The following SCMH1 variants were observed in gnomAD, a reference collection of about 807,000 sequenced individuals.
The protein encoded by SCMH1 is polycomb protein SCMH1.
Under a neutral mutation model 70.8 loss-of-function variants are expected in SCMH1, and 37 were observed. The observed-to-expected ratio is 0.52, with a 90% CI of 0.40 to 0.69. The LOEUF (loss-of-function observed/expected upper bound fraction) is 0.69. Among genes scored for constraint, SCMH1 ranks in the 30% least tolerant of loss-of-function variants. The pLI, the probability that SCMH1 is intolerant of heterozygous loss-of-function variation, is 0.00. For missense variants in SCMH1, 607 were observed against 827.3 expected, an observed-to-expected ratio of 0.73 and a Z score of 3.27; for synonymous variants, 292 against 307.4, an observed-to-expected ratio of 0.95 and a Z score of 0.52.
At chr1:41,175,056 T>C (rs1051332656) in intron 2 of SCMH1, among the ~76,000 whole-genome samples, 1 of 152,250 alleles carries the variant, frequency 6.6e-6, no homozygotes, top group Non-Finnish European at 1.5e-5. Context: ...GTTAACTTTA[T>C]GTGTCAACTT....
chr1:41,152,387 A>G (rs1645145252), intron 4 of SCMH1, among the ~76,000 whole-genome samples: 1 of 152,230 alleles, frequency 6.6e-6, no homozygotes, highest in Non-Finnish European at 1.5e-5. Context: ...GGGAGTCTGT[A>G]GAATCTTTTA....
At chr1:41,131,737 T>A (rs1674778275) in intron 6 of SCMH1, among the ~76,000 whole-genome samples, 1 of 152,122 alleles carries the variant, frequency 6.6e-6, no homozygotes, top group Non-Finnish European at 1.5e-5. Context: ...TGGTGTGTGA[T>A]GTTCTTTTCC....
intron 1 of SCMH1, 97 bp from the exon 2 acceptor site, chr1:41,186,347 A>C (rs548221754): frequency 2.6e-6 from 1 of 385,450 alleles, no homozygotes; most frequent in African/African-American, 2.0e-5. Context: ...CATTATAAGA[A>C]AAGTAGGAAA....
intron 1 of SCMH1, among the ~76,000 whole-genome samples, chr1:41,223,161 G>A (rs1222949357): frequency 6.6e-6 from 1 of 152,148 alleles, no homozygotes; most frequent in Non-Finnish European, 1.5e-5. Flanking sequence ...GGAATCTGGA[G>A]CCTTCCAGGA....
intron 10 of SCMH1, among the ~76,000 whole-genome samples, chr1:41,055,624 G>T (rs1167685523): frequency 6.6e-6 from 1 of 152,202 alleles, no homozygotes; most frequent in African/African-American, 2.4e-5. Flanking sequence ...GAGCCACCGC[G>T]CCCGGCCTCA....
At chr1:41,121,916 A>G (rs1557539569) in intron 6 of SCMH1, among the ~76,000 whole-genome samples, 1 of 151,956 alleles carries the variant, frequency 6.6e-6, no homozygotes, top group Non-Finnish European at 1.5e-5. Context: ...CACCCACCAA[A>G]CCCAATTAAT....
chr1:41,123,280 C>T (rs986098201), intron 6 of SCMH1, among the ~76,000 whole-genome samples: 1 of 152,302 alleles, frequency 6.6e-6, no homozygotes, highest in East Asian at 1.9e-4. Flanking sequence ...AGTCCATGCC[C>T]TCTGGTGGCA....
At chr1:41,203,178 C>T (rs1225407243) in intron 1 of SCMH1, among the ~76,000 whole-genome samples, 2 of 151,942 alleles carry the variant, frequency 1.3e-5, no homozygotes, top group Non-Finnish European at 2.9e-5. Flanking sequence ...ACACTTATAG[C>T]TTACCTCAAT....
intron 8 of SCMH1, among the ~76,000 whole-genome samples, chr1:41,084,909 T>C (rs1393970890): frequency 3.5e-5 from 5 of 143,426 alleles, no homozygotes; most frequent in African/African-American, 2.6e-5. Flanking sequence ...TTCTCACTCA[T>C]AGGTGGGAAT....
intron 10 of SCMH1, among the ~76,000 whole-genome samples, chr1:41,061,922 T>C (rs1201236787): frequency 6.6e-6 from 1 of 152,168 alleles, no homozygotes; most frequent in East Asian, 1.9e-4. Context: ...TGGAGTACAG[T>C]GTTGTGATCT....
intron 8 of SCMH1, among the ~76,000 whole-genome samples, chr1:41,082,396 G>T (rs975899114): frequency 1.4e-4 from 21 of 152,190 alleles, no homozygotes; most frequent in African/African-American, 4.8e-4. Flanking sequence ...CCAGAAGAGA[G>T]TGGGGGCCAA....
intron 9 of SCMH1, among the ~76,000 whole-genome samples, chr1:41,071,104 CA>C (rs895617402): frequency 4.5e-4 from 68 of 150,576 alleles, no homozygotes; most frequent in African/African-American, 1.5e-3. Context: ...TGGAAACAAA[CA>C]AAAAAAAATA....
chr1:41,175,202 T>C (rs2173830), intron 2 of SCMH1, among the ~76,000 whole-genome samples: 1 of 152,244 alleles, frequency 6.6e-6, no homozygotes, highest in African/African-American at 2.4e-5. Flanking sequence ...GTGGGCATTA[T>C]CCAATCCACT....
intron 8 of SCMH1, among the ~76,000 whole-genome samples, chr1:41,084,671 T>C (rs1249303151): frequency 1.3e-5 from 2 of 152,126 alleles, no homozygotes; most frequent in African/African-American, 4.8e-5. Flanking sequence ...TAAAGACACA[T>C]GCACACGTAT....
At chr1:41,053,783 A>T (rs1033823015) in intron 10 of SCMH1, among the ~76,000 whole-genome samples, 1 of 152,194 alleles carries the variant, frequency 6.6e-6, no homozygotes, top group African/African-American at 2.4e-5. Flanking sequence ...ACAGAGTGTC[A>T]GTGAAAACTG....
At chr1:41,055,350 C>T (rs1488857251) in intron 10 of SCMH1, among the ~76,000 whole-genome samples, 4 of 149,584 alleles carry the variant, frequency 2.7e-5, no homozygotes, top group African/African-American at 4.8e-5. Context: ...AGCTGGATTT[C>T]GGAATTTCTT....
intron 1 of SCMH1, among the ~76,000 whole-genome samples, chr1:41,215,000 A>G (rs1657798545): frequency 6.6e-6 from 1 of 152,202 alleles, no homozygotes; most frequent in African/African-American, 2.4e-5. Flanking sequence ...TATAACAGCT[A>G]GCATTTATAC....
At chr1:41,122,717 G>T (rs1163843195) in intron 6 of SCMH1, among the ~76,000 whole-genome samples, 1 of 152,248 alleles carries the variant, frequency 6.6e-6, no homozygotes, top group African/African-American at 2.4e-5. Flanking sequence ...AACTAAGGTA[G>T]TGAGTGGCTA....
intron 2 of SCMH1, among the ~76,000 whole-genome samples, chr1:41,185,769 G>A (rs1308231111): frequency 6.6e-6 from 1 of 151,622 alleles, no homozygotes; most frequent in Non-Finnish European, 1.5e-5. Context: ...CCAAGTAGCT[G>A]GGATTACAGG....
Sources: gnomAD v4.1 joint callset for allele counts (sites outside exome capture counted in the v4.1 genomes callset) on GRCh38, gnomAD v4.1.1 for gene constraint, MANE v1.5 for transcripts, NCBI Gene and HGNC (gene_info 2026-07-23, HGNC 2026-07-21) for gene names.